C4orf50: variants seen among roughly 807,000 people sequenced by gnomAD.
The protein encoded by C4orf50 is chromosome 4 open reading frame 50, also known as uncharacterized protein C4orf50.
C4orf50 carries 80 observed loss-of-function variants against 77.2 expected under a neutral mutation model. That is an observed-to-expected ratio of 1.04 (90% CI 0.87 to 1.25). The LOEUF is 1.25. C4orf50 is among the 50% of genes most tolerant of loss of function. The pLI is 0.00. For missense variants in C4orf50, 1,257 were observed against 1,152.9 expected (o/e 1.09, Z -1.31); for synonymous variants, 532 against 465.3 (o/e 1.14, Z -1.84).
intron 30 of C4orf50, among the ~76,000 whole-genome samples, chr4:5,975,118 C>T (rs1478869584): frequency 6.7e-5 from 7 of 104,992 alleles, no homozygotes; most frequent in South Asian, 3.5e-4. Flanking sequence ...CCAGCCTGGG[C>T]GACAGAGTGA....
chr4:5,995,854 G>A (rs1721554647), intron 25 of C4orf50, among the ~76,000 whole-genome samples: 1 of 152,174 alleles, frequency 6.6e-6, no homozygotes, highest in Non-Finnish European at 1.5e-5. Context: ...CTCTAGGCCA[G>A]GAGAAAACAG....
intron 7 of C4orf50, among the ~76,000 whole-genome samples, chr4:5,930,336 G>T (rs1577900176): frequency 6.6e-6 from 1 of 152,158 alleles, no homozygotes; most frequent in African/African-American, 2.4e-5. Context: ...GTGCTATTTG[G>T]TCAGCTCTAT....
intron 23 of C4orf50, among the ~76,000 whole-genome samples, chr4:6,012,518 A>G (rs995849289): frequency 2.0e-5 from 3 of 152,180 alleles, no homozygotes; most frequent in Non-Finnish European, 4.4e-5. Flanking sequence ...TGAAATTCAG[A>G]AAAACGTTTC....
intron 26 of C4orf50, among the ~76,000 whole-genome samples, chr4:5,993,629 C>T (rs1036950552): frequency 3.9e-5 from 6 of 152,020 alleles, no homozygotes; most frequent in Non-Finnish European, 8.8e-5. Flanking sequence ...CCAGCCTGGC[C>T]AACATGGCAA....
chr4:5,940,279 C>G (rs776255588), intron 7 of C4orf50, among the ~76,000 whole-genome samples: 3 of 152,222 alleles, frequency 2.0e-5, no homozygotes, highest in Non-Finnish European at 2.9e-5. Flanking sequence ...TGAACCTCAT[C>G]ATTCAGTTGA....
At chr4:5,915,162 A>C (rs1047190401) in intron 7 of C4orf50, among the ~76,000 whole-genome samples, 2 of 152,136 alleles carry the variant, frequency 1.3e-5, no homozygotes, top group African/African-American at 4.8e-5. Flanking sequence ...TCTAGTTCTG[A>C]AATACCCCCT....
intron 7 of C4orf50, among the ~76,000 whole-genome samples, chr4:5,947,110 G>T (rs577229486): frequency 6.6e-6 from 1 of 152,252 alleles, no homozygotes; most frequent in Non-Finnish European, 1.5e-5. Flanking sequence ...GGAATATTCT[G>T]AACAGTAATG....
intron 25 of C4orf50, among the ~76,000 whole-genome samples, chr4:5,995,224 G>A (rs1721513833): frequency 6.6e-6 from 1 of 152,062 alleles, no homozygotes; most frequent in Admixed American, 6.5e-5. Flanking sequence ...CTGGAAGAAG[G>A]TACCCTTCCT....
At chr4:5,973,212 G>A (rs1207222461) in intron 31 of C4orf50, among the ~76,000 whole-genome samples, 1 of 152,162 alleles carries the variant, frequency 6.6e-6, no homozygotes, top group Admixed American at 6.5e-5. Flanking sequence ...AGGAAGCTGT[G>A]GCTAACTCTC....
At chr4:5,945,360 T>G (rs1308681421) in intron 7 of C4orf50, among the ~76,000 whole-genome samples, 1 of 152,254 alleles carries the variant, frequency 6.6e-6, no homozygotes, top group Admixed American at 6.5e-5. Context: ...AGGCCCTGGC[T>G]GAGGCCACAT....
At position 5,905,315 on chromosome 4, in the gene C4orf50, A is replaced by G. The variant is rs1003847427; in HGVS notation, c.*2475-7127T>C. 9 of 152,248 alleles carry G rather than the reference A, an allele frequency of 5.9e-5. No individual in the cohort carries two copies. Among genetic ancestry groups the G allele is most frequent in the African/African-American group, 1.9e-4 (8 of 41,456 alleles). 9.4% of individuals were successfully genotyped at this position (152,248 alleles called of 1,614,324 possible). ...TCCCTATTAGTGACTTGAGACAGGA[A>G]GATGGTTGCTTGGCTTATAATTTGG... On this transcript the variant is annotated intron_variant, in intron 7 of 7. Coordinates refer to the C4orf50 transcript ENST00000324058. This position sits in a 1 kb window ranked among gnomAD's most constrained non-coding sequence, Gnocchi z 5.4.
At chr4:5,983,958 G>T (rs1004059792) in intron 28 of C4orf50, among the ~76,000 whole-genome samples, 1 of 152,220 alleles carries the variant, frequency 6.6e-6, no homozygotes, top group Non-Finnish European at 1.5e-5. Context: ...CAGCTTGGAG[G>T]TTAATTGGTG....
chr4:5,949,059 C>G (rs1249052417), intron 7 of C4orf50, among the ~76,000 whole-genome samples: 1 of 151,536 alleles, frequency 6.6e-6, no homozygotes, highest in African/African-American at 2.4e-5. Flanking sequence ...GAAAATAAAA[C>G]CATTGAATCT....
intron 7 of C4orf50, chr4:5,902,563 G>T (rs1014593152): frequency 1.5e-4 from 23 of 152,202 alleles, no homozygotes; most frequent in African/African-American, 5.3e-4. Flanking sequence ...TGGGTGCCAA[G>T]CCCTCTGCCG....
intron 7 of C4orf50, among the ~76,000 whole-genome samples, chr4:5,931,090 A>G (rs1271654322): frequency 6.6e-6 from 1 of 152,166 alleles, no homozygotes; most frequent in Non-Finnish European, 1.5e-5. Flanking sequence ...CATGTCCCGG[A>G]TCCTGCAGGT....
intron 7 of C4orf50, among the ~76,000 whole-genome samples, chr4:5,939,374 T>A (rs73210739): frequency 6.6e-6 from 1 of 152,130 alleles, no homozygotes; most frequent in Non-Finnish European, 1.5e-5. Context: ...TCTTTCAATC[T>A]TTTCTCCACA....
rs746207228 is a variant in C4orf50, at chr4:5,989,121, G to C, written c.2925C>G (p.Leu975=). 1.6e-5 allele frequency: 24 copies of C among 1,536,014 alleles called. No homozygotes were observed. In the South Asian group the frequency reaches 2.9e-4, roughly 18 times the overall value. The change falls in exon 28 of 34, where the codon CTC becomes CTG. Residue 975 remains leucine, a synonymous_variant. Coordinates refer to ENST00000531445, the Ensembl canonical transcript of C4orf50. ...CTACCAGCCTGTGGTTATCCCGCTC[G>C]AGCCTGGATATTTTTGTCACCTCTC...
intron 28 of C4orf50, among the ~76,000 whole-genome samples, chr4:5,982,033 T>C (rs557307468): frequency 1.3e-5 from 2 of 152,054 alleles, no homozygotes; most frequent in African/African-American, 4.8e-5. Context: ...CATAATAAAA[T>C]ATACAATAGC....
intron 30 of C4orf50, 87 bp from the exon 9 acceptor site, chr4:5,973,928 G>C (rs1455009745): frequency 5.4e-6 from 6 of 1,101,300 alleles, no homozygotes; most frequent in Non-Finnish European, 7.7e-6. Flanking sequence ...GGTCAGCTGA[G>C]GCCCCTACTC....
Sources: gnomAD v4.1 joint callset for allele counts (sites outside exome capture counted in the v4.1 genomes callset) on GRCh38, gnomAD v4.1.1 for gene constraint, Gnocchi (gnomAD v3.1) non-coding constraint, MANE v1.5 for transcripts, NCBI Gene and HGNC (gene_info 2026-07-23, HGNC 2026-07-21) for gene names.